ADAD1: variants seen among roughly 807,000 people sequenced by gnomAD.
ADAD1 encodes the protein adenosine deaminase domain-containing protein 1.
ADAD1 carries 46 observed loss-of-function variants against 66.8 expected under a neutral mutation model. The ratio of observed to expected loss-of-function variants is 0.69; its 90% CI spans 0.54 to 0.88. The LOEUF is 0.88. ADAD1 is among the 40% of genes least tolerant of loss of function. ADAD1 has a pLI of 0.00. For missense variants in ADAD1, 617 were observed against 681.8 expected, an observed-to-expected ratio of 0.91 and a Z score of 1.06; for synonymous variants, 248 against 229.4, an observed-to-expected ratio of 1.08 and a Z score of -0.73.
intron 12 of ADAD1, among the ~76,000 whole-genome samples, chr4:122,423,735 ATAT>A (rs201791869): frequency 0.017 from 2,654 of 152,322 alleles, 80 homozygotes; most frequent in African/African-American, 0.061. Context: ...ATACAATAAG[ATAT>A]TATGTCAAGT....
Position 122,383,802 on chromosome 4 carries a change from A to G in ADAD1, c.365A>G (p.Asn122Ser). Residue 122 changes from asparagine (N) to serine (S), a missense_variant, in exon 5 of 13, where the codon AAT (asparagine) becomes AGT (serine). Asn to Ser is a conservative substitution (Grantham distance 46, BLOSUM62 1). Coordinates refer to ENST00000296513, the MANE Select transcript of ADAD1 (RefSeq NM_139243.4). Reference sequence around the variant, plus strand: ...TCATTCTGAGTTCTTTTTCAAGGTAATGTTATGGGACCATATTTTGCCTTT... The same window carrying G: ...TCATTCTGAGTTCTTTTTCAAGGTAGTGTTATGGGACCATATTTTGCCTTT... The part of the protein sequence containing the change: ...LDLKETVTTG[N>S]VMGPYFAFCA... The G allele has an allele frequency of 6.3e-7, 1 of 1,585,982 alleles. No individual in the cohort carries two copies. Among genetic ancestry groups the G allele is most frequent in the South Asian group, 1.2e-5 (1 of 83,988 alleles).
At chr4:122,418,995 A>C (rs1796883893) in intron 11 of ADAD1, among the ~76,000 whole-genome samples, 1 of 152,216 alleles carries the variant, frequency 6.6e-6, no homozygotes, top group South Asian at 2.1e-4. Flanking sequence ...CTAAGGATGG[A>C]AATACCATTT....
chr4:122,407,506 G>A (rs976396323), intron 7 of ADAD1, among the ~76,000 whole-genome samples: 1 of 152,064 alleles, frequency 6.6e-6, no homozygotes, highest in Non-Finnish European at 1.5e-5. Flanking sequence ...GGGTTTGAGT[G>A]GATTAAGAAA....
chr4:122,393,751 A>G (rs1279187390), intron 6 of ADAD1, 94 bp downstream of exon 6: 5 of 914,540 alleles, frequency 5.5e-6, no homozygotes, highest in African/African-American at 1.7e-5. Context: ...ATGAAAATGT[A>G]CATTAACACT....
At position 122,393,584 on chromosome 4, in the gene ADAD1, T is replaced by C. The variant is rs1795555999; in HGVS notation, c.530-5T>C. The C allele has an allele frequency of 6.3e-7, 1 of 1,589,706 alleles. No homozygotes were observed. Among genetic ancestry groups the C allele is most frequent in the Admixed American group, 1.8e-5 (1 of 56,146 alleles). On this transcript the variant is annotated splice_region_variant and splice_polypyrimidine_tract_variant and intron_variant, in intron 5 of 12. Coordinates refer to ENST00000296513, the MANE Select transcript of ADAD1 (RefSeq NM_139243.4). Reference sequence around the variant, plus strand: ...TGTTTCCTTATGTTTTTGTTTTGTTTACAGGTCCTCCTCCTTTCCCTGCAG... The same window carrying C: ...TGTTTCCTTATGTTTTTGTTTTGTTCACAGGTCCTCCTCCTTTCCCTGCAG...
At chr4:122,406,150 T>G (rs927017695) in intron 7 of ADAD1, among the ~76,000 whole-genome samples, 2 of 152,164 alleles carry the variant, frequency 1.3e-5, no homozygotes, top group Non-Finnish European at 2.9e-5. Flanking sequence ...TTGAGGAATC[T>G]CCATAGTTTT....
At chr4:122,403,999 C>G (rs535324644) in intron 7 of ADAD1, among the ~76,000 whole-genome samples, 1 of 152,180 alleles carries the variant, frequency 6.6e-6, no homozygotes, top group East Asian at 1.9e-4. Context: ...ACACAGCCAA[C>G]AAGGCCAGTC....
intron 12 of ADAD1, among the ~76,000 whole-genome samples, chr4:122,428,074 G>C (rs982916330): frequency 4.2e-5 from 5 of 118,964 alleles, no homozygotes; most frequent in Non-Finnish European, 8.6e-5. Flanking sequence ...GGATATGTGT[G>C]GGTAAAACAA....
chr4:122,394,543 C>T (rs1193592456), intron 6 of ADAD1, among the ~76,000 whole-genome samples: 5 of 152,140 alleles, frequency 3.3e-5, no homozygotes, highest in Admixed American at 3.3e-4. Flanking sequence ...TGTGTGCTTG[C>T]GTGAAGTAAA....
intron 7 of ADAD1, among the ~76,000 whole-genome samples, chr4:122,404,518 G>A (rs961653625): frequency 2.0e-5 from 3 of 152,102 alleles, no homozygotes; most frequent in African/African-American, 4.8e-5. Flanking sequence ...CACACTTTGG[G>A]AACTCAGTTT....
intron 6 of ADAD1, among the ~76,000 whole-genome samples, chr4:122,394,363 T>C (rs1020087346): frequency 3.9e-5 from 6 of 152,232 alleles, no homozygotes; most frequent in Admixed American, 2.6e-4. Flanking sequence ...ATTTTTACTT[T>C]TACTACCAAG....
intron 5 of ADAD1, among the ~76,000 whole-genome samples, chr4:122,391,444 C>G (rs1795435868): frequency 6.6e-6 from 1 of 152,192 alleles, no homozygotes; most frequent in Non-Finnish European, 1.5e-5. Flanking sequence ...TGCCCAGATT[C>G]CTCAGAACTA....
In ADAD1 at chr4:122,415,719, T is replaced by A. The variant is rs924877040; in HGVS notation, c.1487+103T>A. 3.3e-5 allele frequency: 32 copies of A among 967,834 alleles called. No individual in the cohort carries two copies. The South Asian group carries it at 5.2e-4, about 16-fold the overall frequency. The allele number at this position is 967,834 out of a possible 1,614,324, so 60.0% of individuals were successfully genotyped here. A position where few individuals can be genotyped will look rare whatever the true frequency, so the allele number is the denominator to read the frequency against. ...CTTTTGGATACTATTTATTGAACTC[T>A]GAACAATAATTATTATCATTAGTCA... On this transcript the variant is annotated intron_variant, in intron 11 of 12. Transcript: ENST00000296513.
chr4:122,391,799 T>G (rs1286191459), intron 5 of ADAD1, among the ~76,000 whole-genome samples: 1 of 152,240 alleles, frequency 6.6e-6, no homozygotes, highest in Non-Finnish European at 1.5e-5. Context: ...AACCTTTGTC[T>G]TCCAGGTTCA....
rs377322878 is a variant in ADAD1 at position 122,413,851 on chromosome 4, C to CATATATATATATATATATATAT, written c.1249+1047_1249+1068dup. 3.3e-3 allele frequency among the ~76,000 whole-genome samples: 413 copies of CATATATATATATATATATATAT among 126,484 alleles called. 7 individuals are homozygous for CATATATATATATATATATATAT. Among genetic ancestry groups the CATATATATATATATATATATAT allele is most frequent in the Non-Finnish European group, 4.2e-3 (253 of 59,548 alleles). 83.0% of individuals were successfully genotyped at this position (126,484 alleles called of 152,430 possible). Reference sequence around the variant, plus strand: ...TTTCACGCTGCTGCTTATGATAGATCATATATATATATATATATATATATA... The same window carrying CATATATATATATATATATATAT: ...TTTCACGCTGCTGCTTATGATAGATCATATATATATATATATATATATATATATATATATATATATATATATA... On this transcript the variant is annotated intron_variant, in intron 10 of 12. Coordinates refer to ENST00000296513, the MANE Select transcript of ADAD1 (RefSeq NM_139243.4).
At chr4:122,421,840 A>G (rs989276356) in intron 12 of ADAD1, among the ~76,000 whole-genome samples, 1 of 152,104 alleles carries the variant, frequency 6.6e-6, no homozygotes, top group African/African-American at 2.4e-5. Context: ...GGTAAGGTAC[A>G]TAGCCTTTTT....
chr4:122,406,533 A>T (rs1796220339), intron 7 of ADAD1, among the ~76,000 whole-genome samples: 1 of 151,942 alleles, frequency 6.6e-6, no homozygotes, highest in Non-Finnish European at 1.5e-5. Context: ...TTTGTCGATT[A>T]TTTTGTTTGC....
At chr4:122,407,666 G>C (rs1796278361) in intron 7 of ADAD1, among the ~76,000 whole-genome samples, 1 of 152,110 alleles carries the variant, frequency 6.6e-6, no homozygotes, top group Admixed American at 6.5e-5. Context: ...TCATGGTAAA[G>C]ATTTAGATGA....
At chr4:122,415,249 A>G in intron 10 of ADAD1, 130 bp from the exon 11 acceptor site, 1 of 679,016 alleles carries the variant, frequency 1.5e-6, no homozygotes, top group Non-Finnish European at 2.5e-6. Flanking sequence ...AGAGAATAGA[A>G]CTAGGAAAGG....
Sources: gnomAD v4.1 joint callset for allele counts (sites outside exome capture counted in the v4.1 genomes callset) on GRCh38, gnomAD v4.1.1 for gene constraint, MANE v1.5 for transcripts, NCBI Gene and HGNC (gene_info 2026-07-23, HGNC 2026-07-21) for gene names.